The following LTBP1 variants were observed in gnomAD, a reference collection of about 807,000 sequenced individuals.
LTBP1 encodes the protein latent transforming growth factor beta binding protein 1, also known as latent-transforming growth factor beta-binding protein 1.
Under a neutral mutation model 207.6 loss-of-function variants are expected in LTBP1, and 129 were observed. The ratio of observed to expected loss-of-function variants is 0.62; its 90% CI spans 0.54 to 0.72. LTBP1 has a LOEUF of 0.72. Among genes scored for constraint, LTBP1 ranks in the 30% least tolerant of loss-of-function variants. LTBP1 has a pLI of 0.00. For synonymous variants in LTBP1, 963 were observed against 833.7 expected (o/e 1.16, Z -2.67); for missense variants, 2,281 against 2,217.2 (o/e 1.03, Z -0.58).
intron 3 of LTBP1, chr2:33,056,258 G>C: frequency 6.3e-6 from 3 of 477,400 alleles, no homozygotes; most frequent in Non-Finnish European, 1.1e-5. Context: ...CATTTCAAGG[G>C]TGAGCCTGTG....
chr2:33,324,588 T>G (rs2094401809), intron 24 of LTBP1, among the ~76,000 whole-genome samples: 1 of 152,154 alleles, frequency 6.6e-6, no homozygotes, highest in African/African-American at 2.4e-5. Flanking sequence ...TATTTTTATA[T>G]TGTCAATGCT....
chr2:33,046,271 A>T (rs1410109355), intron 3 of LTBP1, among the ~76,000 whole-genome samples: 1 of 152,106 alleles, frequency 6.6e-6, no homozygotes, highest in Non-Finnish European at 1.5e-5. Flanking sequence ...AGCTCTTATT[A>T]TTTGGAGATA....
rs752039066 is a variant in LTBP1 at position 33,197,534 on chromosome 2, A to G, written c.1701+8683A>G. Among the ~76,000 whole-genome samples the G allele has an allele frequency of 2.6e-5, 4 of 152,210 alleles. No individual in the cohort carries two copies. The East Asian group carries it at 7.7e-4, about 29-fold the overall frequency. On this transcript the variant is annotated intron_variant, in intron 7 of 33. Coordinates refer to ENST00000404816, the MANE Select transcript of LTBP1 (RefSeq NM_206943.4). The stretch of plus-strand genomic sequence containing the variant: ...TTATTTTTGCATCATAGGAACATTG[A>G]ATATGTTCATCTTTTTTACATAAAA...
intron 2 of LTBP1, among the ~76,000 whole-genome samples, chr2:32,975,583 G>GTTTTTTTTTTTTGTTTTTTT (rs1681598756): frequency 6.4e-5 from 2 of 31,360 alleles, no homozygotes; most frequent in African/African-American, 2.8e-4. Flanking sequence ...TTCATTCTTT[G>GTTTTTTTTTTTTGTTTTTTT]TTTTTTTTTT....
intron 2 of LTBP1, among the ~76,000 whole-genome samples, chr2:32,980,587 T>G (rs1422874146): frequency 6.6e-6 from 1 of 152,216 alleles, no homozygotes. Flanking sequence ...TTTGACTAGT[T>G]CATCTTCTTT....
chr2:33,086,444 T>G (rs2078758842), intron 3 of LTBP1, among the ~76,000 whole-genome samples: 1 of 152,098 alleles, frequency 6.6e-6, no homozygotes, highest in African/African-American at 2.4e-5. Flanking sequence ...CTCTAAGGAG[T>G]GTAGCAGCAG....
chr2:33,051,328 G>C (rs1445319714), intron 3 of LTBP1, among the ~76,000 whole-genome samples: 1 of 152,012 alleles, frequency 6.6e-6, no homozygotes, highest in African/African-American at 2.4e-5. Context: ...GAAGTGGGGG[G>C]ATTACTTGAG....
At chr2:33,344,014 A>G (rs927891159) in intron 25 of LTBP1, among the ~76,000 whole-genome samples, 1 of 152,200 alleles carries the variant, frequency 6.6e-6, no homozygotes, top group Non-Finnish European at 1.5e-5. Context: ...TCTATTGCCT[A>G]TTTGGTTTGA....
intron 5 of LTBP1, among the ~76,000 whole-genome samples, chr2:33,180,988 TCA>T (rs2086566219): frequency 9.3e-6 from 1 of 107,428 alleles, no homozygotes; most frequent in African/African-American, 3.5e-5. Context: ...CAAATCAAAA[TCA>T]TGTGTGTGTC....
intron 25 of LTBP1, among the ~76,000 whole-genome samples, chr2:33,345,879 T>G (rs2094694787): frequency 6.6e-6 from 1 of 152,212 alleles, no homozygotes; most frequent in African/African-American, 2.4e-5. Flanking sequence ...ATTTCAGACT[T>G]TAAGTCAGGT....
At chr2:33,383,228 C>A (rs1225113986) in intron 31 of LTBP1, among the ~76,000 whole-genome samples, 1 of 152,204 alleles carries the variant, frequency 6.6e-6, no homozygotes, top group East Asian at 1.9e-4. Context: ...TGGCGCACAT[C>A]TGTAGTCCCA....
At chr2:33,363,114 T>A (rs570338268) in intron 28 of LTBP1, among the ~76,000 whole-genome samples, 1 of 152,230 alleles carries the variant, frequency 6.6e-6, no homozygotes, top group Non-Finnish European at 1.5e-5. Context: ...TCATCAAATA[T>A]GAGGTAGCAT....
Position 32,947,819 on chromosome 2 carries a change from G to A in LTBP1, c.494+1G>A. The A allele has an allele frequency of 1.4e-6, 2 of 1,400,978 alleles. No individual in the cohort carries two copies. Among genetic ancestry groups the A allele is most frequent in the Non-Finnish European group, 1.9e-6 (2 of 1,068,158 alleles). The allele number at this position is 1,400,978 out of a possible 1,614,324, so 86.8% of individuals were successfully genotyped here. On this transcript the variant is annotated splice_donor_variant, in intron 1 of 33. Coordinates refer to ENST00000404816, the MANE Select transcript of LTBP1 (RefSeq NM_206943.4). LOFTEE classifies it high-confidence loss of function. The stretch of plus-strand genomic sequence containing the variant: ...TTCACCAGAAGCAGCAGCTGCAGGG[G>A]TAAGCCCACACCCCCTTCCGCCCGC...
At chr2:33,062,212 A>G (rs1006281127) in intron 3 of LTBP1, among the ~76,000 whole-genome samples, 5 of 83,902 alleles carry the variant, frequency 6.0e-5, no homozygotes, top group African/African-American at 1.6e-4. Flanking sequence ...TCAATCTTTT[A>G]TCTCTCTGTC....
intron 2 of LTBP1, among the ~76,000 whole-genome samples, chr2:32,981,042 A>C (rs751660026): frequency 1.3e-5 from 2 of 152,088 alleles, no homozygotes; most frequent in African/African-American, 4.8e-5. Flanking sequence ...TGATTATTCA[A>C]TGCTTTGAGG....
At chr2:33,239,935 T>TA (rs1426405820) in intron 9 of LTBP1, among the ~76,000 whole-genome samples, 1 of 151,348 alleles carries the variant, frequency 6.6e-6, no homozygotes, top group African/African-American at 2.4e-5. Flanking sequence ...AATAAATAAA[T>TA]AAAAATATGA....
chr2:33,084,714 C>G (rs943527707), intron 3 of LTBP1, among the ~76,000 whole-genome samples: 1 of 152,174 alleles, frequency 6.6e-6, no homozygotes, highest in African/African-American at 2.4e-5. Context: ...TTTAAACACA[C>G]ATGATTTGTT....
At chr2:32,993,095 G>A (rs1297148273) in intron 2 of LTBP1, among the ~76,000 whole-genome samples, 1 of 152,154 alleles carries the variant, frequency 6.6e-6, no homozygotes, top group Non-Finnish European at 1.5e-5. Context: ...GCGGGGGGAT[G>A]CTGGGCCTTA....
In LTBP1 at chr2:33,316,644, G is replaced by T. The variant is rs2094277439; in HGVS notation, c.3730+1375G>T. ...GGAAGAAAGCATCATAATAATGTGG[G>T]TGATGAGAGATTTAGAAGAAATCCC... On this transcript the variant is annotated intron_variant, in intron 24 of 33. Transcript: ENST00000404816. Among the ~76,000 whole-genome samples the T allele has an allele frequency of 2.0e-5, 3 of 152,318 alleles. No homozygotes were observed. The South Asian group carries it at 6.2e-4, about 32-fold the overall frequency.
Sources: allele counts gnomAD v4.1 joint callset (sites outside exome capture counted in the v4.1 genomes callset), GRCh38; gene constraint gnomAD v4.1.1; transcripts MANE v1.5; gene names NCBI Gene and HGNC (gene_info 2026-07-23, HGNC 2026-07-21).